The following PDCD6IP variants were observed in gnomAD, a reference collection of about 807,000 sequenced individuals.
The protein encoded by PDCD6IP is programmed cell death 6 interacting protein.
PDCD6IP carries 43 observed loss-of-function variants against 103.7 expected under a neutral mutation model. The observed-to-expected ratio is 0.41, with a 90% CI of 0.32 to 0.53. The LOEUF (loss-of-function observed/expected upper bound fraction) is 0.53. Ranked by LOEUF, PDCD6IP falls within the 20% of genes least tolerant of loss-of-function variation. The pLI, the probability that PDCD6IP is intolerant of heterozygous loss-of-function variation, is 0.16. For missense variants in PDCD6IP, 871 were observed against 1,036.7 expected, an observed-to-expected ratio of 0.84 and a Z score of 2.20; for synonymous variants, 354 against 378.7, an observed-to-expected ratio of 0.93 and a Z score of 0.76.
At chr3:33,808,073 A>T (rs1318241024) in intron 1 of PDCD6IP, among the ~76,000 whole-genome samples, 2 of 152,150 alleles carry the variant, frequency 1.3e-5, no homozygotes, top group African/African-American at 2.4e-5. Flanking sequence ...TTACCGATTC[A>T]TTTGCTTGGG....
In PDCD6IP at chr3:33,806,319, C is replaced by T. The variant is rs150858015; in HGVS notation, c.210-5753C>T. Among the ~76,000 whole-genome samples, 263 of 152,118 alleles carry T rather than the reference C, an allele frequency of 1.7e-3. 1 individual carries two copies. The highest frequency in any genetic ancestry group is 5.7e-3 in the African/African-American group (238 of 41,420). On this transcript the variant is annotated intron_variant, in intron 1 of 17. Transcript: ENST00000307296. ...CACTTCATATACAGTACCATTTATT[C>T]CTCACGCTTAAAGGAGGTATTATTA...
At chr3:33,853,211 C>G (rs1400644628) in intron 13 of PDCD6IP, among the ~76,000 whole-genome samples, 1 of 152,188 alleles carries the variant, frequency 6.6e-6, no homozygotes, top group Non-Finnish European at 1.5e-5. Context: ...ACGTGAGCCA[C>G]CATGCCCTGC....
At chr3:33,838,948 G>A (rs1450021174) in intron 9 of PDCD6IP, among the ~76,000 whole-genome samples, 1 of 152,044 alleles carries the variant, frequency 6.6e-6, no homozygotes, top group Admixed American at 6.6e-5. Flanking sequence ...TGAGGCCACA[G>A]GTGCAAGCCA....
chr3:33,866,092 T>G (rs1380161395), intron 17 of PDCD6IP, among the ~76,000 whole-genome samples: 1 of 152,160 alleles, frequency 6.6e-6, no homozygotes, highest in Non-Finnish European at 1.5e-5. Flanking sequence ...TCTTTAATAC[T>G]CGAATATTTA....
At chr3:33,810,699 CAG>C (rs1213728257) in intron 1 of PDCD6IP, among the ~76,000 whole-genome samples, 1 of 152,220 alleles carries the variant, frequency 6.6e-6, no homozygotes, top group East Asian at 1.9e-4. Flanking sequence ...CCTGGCAGCT[CAG>C]GGGCTAAAGT....
chr3:33,862,707 A>G (rs895714776), intron 15 of PDCD6IP, among the ~76,000 whole-genome samples: 8 of 152,212 alleles, frequency 5.3e-5, no homozygotes, highest in Admixed American at 1.3e-4. Context: ...AATGGTTTGC[A>G]TAAAAGGTTA....
At chr3:33,831,514 T>A (rs192151736) in intron 7 of PDCD6IP, among the ~76,000 whole-genome samples, 530 of 152,294 alleles carry the variant, frequency 3.5e-3, no homozygotes, top group Non-Finnish European at 6.2e-3. Context: ...TGTGTTTGTA[T>A]GGGAAAGGAA....
chr3:33,810,157 A>G lies in PDCD6IP; in HGVS notation c.210-1915A>G, dbSNP rs112008302. ...TATTGATGAATCTTACCAGAATTAG[A>G]TATTATACTCTGAAAGGTACCAAAT... On this transcript the variant is annotated intron_variant, in intron 1 of 17. Transcript: ENST00000307296. Among the ~76,000 whole-genome samples, 587 of 152,268 alleles carry G rather than the reference A, an allele frequency of 3.9e-3. 2 individuals are homozygous for G. The highest frequency in any genetic ancestry group is 0.023 in the South Asian group (109 of 4,830).
intron 1 of PDCD6IP, among the ~76,000 whole-genome samples, chr3:33,800,231 T>C (rs767863355): frequency 2.6e-5 from 4 of 152,058 alleles, no homozygotes; most frequent in Non-Finnish European, 4.4e-5. Flanking sequence ...GCCTCCGTGA[T>C]GCTTCCCTCG....
At chr3:33,862,482 G>A (rs1023661579) in intron 15 of PDCD6IP, among the ~76,000 whole-genome samples, 5 of 152,046 alleles carry the variant, frequency 3.3e-5, no homozygotes, top group Non-Finnish European at 5.9e-5. Context: ...TTTACCTTAG[G>A]TATTGTTTAG....
intron 12 of PDCD6IP, among the ~76,000 whole-genome samples, chr3:33,850,931 C>T (rs1697699738): frequency 6.6e-6 from 1 of 151,956 alleles, no homozygotes; most frequent in South Asian, 2.1e-4. Context: ...CTCTCTTCCG[C>T]CCCTCCCTCT....
At chr3:33,859,483 T>C (rs1182671885) in intron 15 of PDCD6IP, among the ~76,000 whole-genome samples, 1 of 151,494 alleles carries the variant, frequency 6.6e-6, no homozygotes, top group African/African-American at 2.4e-5. Flanking sequence ...AAAGAACTCC[T>C]AGAAGTGAAC....
intron 2 of PDCD6IP, 62 bp from the exon 3 acceptor site, chr3:33,813,497 C>G: frequency 2.0e-6 from 2 of 1,016,288 alleles, no homozygotes; most frequent in Non-Finnish European, 3.0e-6. Flanking sequence ...TCAAAGAAGA[C>G]TTAATATTTA....
intron 12 of PDCD6IP, among the ~76,000 whole-genome samples, chr3:33,850,416 C>G (rs1697688305): frequency 1.3e-5 from 2 of 151,928 alleles, no homozygotes; most frequent in African/African-American, 4.8e-5. Flanking sequence ...TACAGAGAAG[C>G]CTCATTCCTT....
intron 15 of PDCD6IP, among the ~76,000 whole-genome samples, chr3:33,858,539 G>A (rs376243084): frequency 1.3e-5 from 2 of 151,874 alleles, no homozygotes; most frequent in African/African-American, 2.4e-5. Flanking sequence ...GGCCAGGCGC[G>A]GTGGCTCACG....
chr3:33,835,924 A>G (rs1697336205), intron 7 of PDCD6IP, 120 bp from the exon 8 acceptor site: 1 of 625,084 alleles, frequency 1.6e-6, no homozygotes, highest in South Asian at 2.1e-5. Flanking sequence ...ATTGCTGGAA[A>G]TGCAAGTCTT....
chr3:33,816,244 C>T (rs542742626), intron 3 of PDCD6IP, among the ~76,000 whole-genome samples: 8 of 152,264 alleles, frequency 5.3e-5, no homozygotes, highest in African/African-American at 7.2e-5. Flanking sequence ...CGGTGGCTCA[C>T]GCCTGTAATC....
At position 33,866,738 on chromosome 3, in the gene PDCD6IP, T is replaced by C; in HGVS notation, c.*213T>C. On this transcript the variant is annotated 3_prime_UTR_variant, in exon 18 of 18. Coordinates refer to ENST00000307296, the MANE Select transcript of PDCD6IP (RefSeq NM_013374.6). Reference sequence around the variant, plus strand: ...CTGCTGTTGCAGTATAAACACTAGGTATAATAGGATTTGAAATTGCATTAC... The same window carrying C: ...CTGCTGTTGCAGTATAAACACTAGGCATAATAGGATTTGAAATTGCATTAC... 2.5e-6 allele frequency: 1 copy of C among 394,092 alleles called. No individual in the cohort carries two copies. Among genetic ancestry groups the C allele is most frequent in the Non-Finnish European group, 4.5e-6 (1 of 223,716 alleles). 24.4% of individuals were successfully genotyped at this position (394,092 alleles called of 1,614,324 possible).
intron 8 of PDCD6IP, among the ~76,000 whole-genome samples, chr3:33,837,215 C>T (rs560073602): frequency 2.6e-5 from 4 of 152,180 alleles, no homozygotes; most frequent in South Asian, 4.1e-4. Context: ...CCACCGTGCC[C>T]GGCCTATTTC....
Sources: allele counts gnomAD v4.1 joint callset (sites outside exome capture counted in the v4.1 genomes callset), GRCh38; gene constraint gnomAD v4.1.1; transcripts MANE v1.5; gene names NCBI Gene and HGNC (gene_info 2026-07-23, HGNC 2026-07-21).